ARB2A: variants seen among roughly 807,000 people sequenced by gnomAD.
ARB2A encodes cotranscriptional regulator ARB2A.
the ARB2A span, among the ~76,000 whole-genome samples, chr5:93,918,275 G>A: frequency 6.6e-6 from 1 of 152,078 alleles, no homozygotes; most frequent in Non-Finnish European, 1.5e-5. Flanking sequence ...ATTACAGAAA[G>A]GAAGTAGTGG....
the ARB2A span, among the ~76,000 whole-genome samples, chr5:93,700,007 T>C: frequency 3.3e-5 from 5 of 152,026 alleles, no homozygotes; most frequent in African/African-American, 1.2e-4. Context: ...ATAACATTTT[T>C]TGACAATAAT....
At chr5:93,866,182 A>T in the ARB2A span, 2 of 985,344 alleles carry the variant, frequency 2.0e-6, no homozygotes, top group Admixed American at 6.1e-5. Context: ...TTTTATCAGC[A>T]GTCTGTACAA....
the ARB2A span, among the ~76,000 whole-genome samples, chr5:93,690,207 G>A: frequency 4.2e-3 from 637 of 152,232 alleles, 6 homozygotes; most frequent in African/African-American, 0.014. Context: ...AGACAAAACC[G>A]TTCAATCCCC....
the ARB2A span, among the ~76,000 whole-genome samples, chr5:94,077,389 T>A: frequency 3.3e-5 from 5 of 150,658 alleles, no homozygotes; most frequent in East Asian, 1.9e-4. Context: ...AAAAAAAAAA[T>A]TAATTATTAC....
the ARB2A span, among the ~76,000 whole-genome samples, chr5:94,023,669 A>C: frequency 6.6e-6 from 1 of 152,172 alleles, no homozygotes; most frequent in Non-Finnish European, 1.5e-5. Context: ...CCAGTAACGT[A>C]CCAGTATTAT....
chr5:93,725,314 A>T, the ARB2A span, among the ~76,000 whole-genome samples: 26 of 152,072 alleles, frequency 1.7e-4, no homozygotes, highest in African/African-American at 5.8e-4. Context: ...AGTTTGCTTG[A>T]CTAATTTATG....
the ARB2A span, among the ~76,000 whole-genome samples, chr5:94,032,598 A>C: frequency 3.3e-5 from 5 of 152,278 alleles, no homozygotes; most frequent in African/African-American, 1.2e-4. Context: ...CAGCCTGAGA[A>C]AGCCACAGGC....
the ARB2A span, among the ~76,000 whole-genome samples, chr5:93,673,374 CTCTT>C: frequency 2.5e-4 from 38 of 152,006 alleles, no homozygotes; most frequent in African/African-American, 8.9e-4. Context: ...CTTTCTTTCT[CTCTT>C]CTCTTTTTTT....
At chr5:94,105,240 C>T in the ARB2A span, among the ~76,000 whole-genome samples, 6 of 151,936 alleles carry the variant, frequency 3.9e-5, no homozygotes, top group African/African-American at 1.5e-4. Context: ...CTTATAAAAC[C>T]CCATGCTCTC....
chr5:93,892,689 T>G, the ARB2A span, among the ~76,000 whole-genome samples: 1 of 152,142 alleles, frequency 6.6e-6, no homozygotes, highest in African/African-American at 2.4e-5. Context: ...TTGAAATAGA[T>G]TGTTACCTCA....
the ARB2A span, among the ~76,000 whole-genome samples, chr5:93,635,459 G>GTTTTTTTTTTTTTTTTTTTTTTT: frequency 1.2e-4 from 16 of 128,912 alleles, no homozygotes; most frequent in African/African-American, 5.1e-4. Flanking sequence ...TTATACGAAA[G>GTTTTTTTTTTTTTTTTTTTTTTT]TTTTTTTTTT....
At chr5:93,937,251 G>A in the ARB2A span, among the ~76,000 whole-genome samples, 2 of 151,788 alleles carry the variant, frequency 1.3e-5, no homozygotes, top group Admixed American at 6.6e-5. Flanking sequence ...ATCCAATTGC[G>A]TGTATGTGTG....
chr5:94,005,690 A>G, the ARB2A span, among the ~76,000 whole-genome samples: 14 of 152,358 alleles, frequency 9.2e-5, no homozygotes, highest in African/African-American at 3.4e-4. Context: ...TTTAACAGTA[A>G]AAACCCAAAC....
chr5:94,037,600 T>G, the ARB2A span, among the ~76,000 whole-genome samples: 1 of 152,280 alleles, frequency 6.6e-6, no homozygotes, highest in African/African-American at 2.4e-5. Context: ...AATTTTATTC[T>G]CATTTTATAA....
the ARB2A span, among the ~76,000 whole-genome samples, chr5:94,082,670 G>C: frequency 6.6e-6 from 1 of 152,068 alleles, no homozygotes; most frequent in African/African-American, 2.4e-5. Flanking sequence ...TAACAAGTGG[G>C]AATGTAATTT....
the ARB2A span, among the ~76,000 whole-genome samples, chr5:93,781,013 A>T: frequency 6.6e-6 from 1 of 152,200 alleles, no homozygotes; most frequent in African/African-American, 2.4e-5. Context: ...TAACTTTATC[A>T]CATCCTTTCT....
chr5:93,665,087 A>G, the ARB2A span, among the ~76,000 whole-genome samples: 1 of 152,208 alleles, frequency 6.6e-6, no homozygotes. Flanking sequence ...TTGGCCTCCC[A>G]AAGTGCTGGG....
chr5:93,777,023 A>G, the ARB2A span, among the ~76,000 whole-genome samples: 6 of 152,048 alleles, frequency 3.9e-5, no homozygotes, highest in Admixed American at 2.6e-4. Context: ...TTTTGTATTT[A>G]CTCCTCAAAA....
chr5:93,932,960 A>T, the ARB2A span, among the ~76,000 whole-genome samples: 1 of 152,244 alleles, frequency 6.6e-6, no homozygotes, highest in Non-Finnish European at 1.5e-5. Context: ...TACAAGAAAA[A>T]AACAAACAAT....
Sources: allele counts gnomAD v4.1 joint callset (sites outside exome capture counted in the v4.1 genomes callset), GRCh38; gene constraint gnomAD v4.1.1; transcripts MANE v1.5; gene names NCBI Gene and HGNC (gene_info 2026-07-23, HGNC 2026-07-21).